Variants in LDB2 observed in about 807,000 individuals in gnomAD.
The protein encoded by LDB2 is LIM domain binding 2, also known as LIM domain-binding protein 2.
Under a neutral mutation model 44.3 loss-of-function variants are expected in LDB2, and 12 were observed. The ratio of observed to expected loss-of-function variants is 0.27; its 90% CI spans 0.17 to 0.44. The LOEUF (loss-of-function observed/expected upper bound fraction) is 0.44. LDB2 is among the 20% of genes least tolerant of loss of function. The pLI, the probability that LDB2 is intolerant of heterozygous loss-of-function variation, is 1.00. For missense variants in LDB2, 344 were observed against 473.5 expected (o/e 0.73, Z 2.54); for synonymous variants, 164 against 174.8 (o/e 0.94, Z 0.49).
intron 1 of LDB2, among the ~76,000 whole-genome samples, chr4:16,773,199 C>T (rs1405770282): frequency 6.6e-6 from 1 of 152,146 alleles, no homozygotes. Flanking sequence ...GGAGAAAATG[C>T]TATAAGCCGT....
chr4:16,874,738 G>A (rs1717856971), intron 1 of LDB2, among the ~76,000 whole-genome samples: 1 of 152,126 alleles, frequency 6.6e-6, no homozygotes, highest in Non-Finnish European at 1.5e-5. Context: ...ATCCTTGGTG[G>A]CACAAAGGTT....
chr4:16,621,837 G>A (rs1311301254), intron 2 of LDB2, among the ~76,000 whole-genome samples: 1 of 152,140 alleles, frequency 6.6e-6, no homozygotes, highest in Non-Finnish European at 1.5e-5. Flanking sequence ...AGGATTACAG[G>A]TGTAAACCAC....
chr4:16,707,875 A>T (rs1754961113), intron 2 of LDB2, among the ~76,000 whole-genome samples: 1 of 152,150 alleles, frequency 6.6e-6, no homozygotes, highest in Non-Finnish European at 1.5e-5. Context: ...TTATACACTG[A>T]CCTTTTACAG....
At chr4:16,637,299 ATTT>A (rs34484721) in intron 2 of LDB2, among the ~76,000 whole-genome samples, 3 of 85,482 alleles carry the variant, frequency 3.5e-5, no homozygotes, top group African/African-American at 1.5e-4. Flanking sequence ...GCCTAGGCTG[ATTT>A]TTTTTTTTTT....
At chr4:16,681,327 T>C (rs547219900) in intron 2 of LDB2, among the ~76,000 whole-genome samples, 9 of 152,290 alleles carry the variant, frequency 5.9e-5, no homozygotes, top group African/African-American at 2.2e-4. Context: ...TTTAGTTCTA[T>C]AACCATAGGA....
At chr4:16,884,943 T>C (rs901780045) in intron 1 of LDB2, among the ~76,000 whole-genome samples, 7 of 152,126 alleles carry the variant, frequency 4.6e-5, no homozygotes, top group Non-Finnish European at 8.8e-5. Context: ...GAAAAAAATT[T>C]GCATGACTCC....
chr4:16,652,598 G>T (rs1313414636), intron 2 of LDB2, among the ~76,000 whole-genome samples: 2 of 152,208 alleles, frequency 1.3e-5, no homozygotes, highest in African/African-American at 4.8e-5. Flanking sequence ...GAGATGCAAA[G>T]ATGCTGCCAT....
At chr4:16,515,479 CTACTTCA>C (rs1373570089) in intron 5 of LDB2, among the ~76,000 whole-genome samples, 1 of 152,192 alleles carries the variant, frequency 6.6e-6, no homozygotes, top group Non-Finnish European at 1.5e-5. Context: ...AAGTTACAGA[CTACTTCA>C]TTGCCTTTCC....
chr4:16,744,640 A>G (rs935605139), intron 2 of LDB2, among the ~76,000 whole-genome samples: 18 of 151,910 alleles, frequency 1.2e-4, no homozygotes, highest in Non-Finnish European at 2.6e-4. Flanking sequence ...ATGCCCAGCT[A>G]ATTTTTTTTG....
At chr4:16,711,834 T>C (rs556305692) in intron 2 of LDB2, among the ~76,000 whole-genome samples, 59 of 152,186 alleles carry the variant, frequency 3.9e-4, no homozygotes, top group Non-Finnish European at 7.5e-4. Context: ...GACAAGTCAA[T>C]AGGAAAAGAA....
At chr4:16,667,223 C>T (rs1333254258) in intron 2 of LDB2, among the ~76,000 whole-genome samples, 6 of 152,128 alleles carry the variant, frequency 3.9e-5, no homozygotes, top group Admixed American at 6.5e-5. Context: ...CTTCCAGAAC[C>T]AAGGAAAGGT....
chr4:16,806,368 T>G (rs1463653176), intron 1 of LDB2, among the ~76,000 whole-genome samples: 1 of 152,210 alleles, frequency 6.6e-6, no homozygotes, highest in African/African-American at 2.4e-5. Flanking sequence ...TATCTTTCTT[T>G]GTGTTCTCCA....
intron 5 of LDB2, among the ~76,000 whole-genome samples, chr4:16,573,683 C>T (rs1318084063): frequency 6.6e-6 from 1 of 152,136 alleles, no homozygotes; most frequent in African/African-American, 2.4e-5. Flanking sequence ...TCTGGTGTGG[C>T]TTCTGCCTCC....
At chr4:16,626,192 T>C (rs1415419247) in intron 2 of LDB2, among the ~76,000 whole-genome samples, 1 of 152,246 alleles carries the variant, frequency 6.6e-6, no homozygotes, top group African/African-American at 2.4e-5. Flanking sequence ...ACACACTGGC[T>C]AGTACATCTA....
At chr4:16,657,309 C>T (rs183754960) in intron 2 of LDB2, among the ~76,000 whole-genome samples, 8 of 152,214 alleles carry the variant, frequency 5.3e-5, no homozygotes, top group Admixed American at 2.0e-4. Flanking sequence ...ACTCAAGCTT[C>T]GAATATGTCC....
intron 5 of LDB2, among the ~76,000 whole-genome samples, chr4:16,549,316 C>T (rs952986556): frequency 3.3e-5 from 5 of 152,146 alleles, no homozygotes; most frequent in African/African-American, 4.8e-5. Context: ...GTTATAACTG[C>T]ATTAGGGGTC....
chr4:16,667,001 A>G (rs1743446510), intron 2 of LDB2, among the ~76,000 whole-genome samples: 1 of 152,206 alleles, frequency 6.6e-6, no homozygotes, highest in Non-Finnish European at 1.5e-5. Flanking sequence ...CCTCCTGAAC[A>G]CTGTGTCTAT....
At chr4:16,507,843 G>T (rs966181868) in intron 7 of LDB2, among the ~76,000 whole-genome samples, 4 of 152,208 alleles carry the variant, frequency 2.6e-5, no homozygotes, top group African/African-American at 4.8e-5. Context: ...AATAAAAGAT[G>T]AAGAAAGTTC....
chr4:16,518,847 G>A (rs1032414048), intron 5 of LDB2, among the ~76,000 whole-genome samples: 1 of 152,176 alleles, frequency 6.6e-6, no homozygotes, highest in African/African-American at 2.4e-5. Context: ...TAAACAATAT[G>A]CCCAGTGAAA....
Sources: gnomAD v4.1 joint callset for allele counts (sites outside exome capture counted in the v4.1 genomes callset) on GRCh38, gnomAD v4.1.1 for gene constraint, MANE v1.5 for transcripts, NCBI Gene and HGNC (gene_info 2026-07-23, HGNC 2026-07-21) for gene names.